The following RBFOX1 variants were observed in gnomAD, a reference collection of about 807,000 sequenced individuals.
The protein encoded by RBFOX1 is RNA binding fox-1 homolog 1, also known as RNA binding protein fox-1 homolog 1.
RBFOX1 carries 8 observed loss-of-function variants against 57.7 expected under a neutral mutation model. That is an observed-to-expected ratio of 0.14 (90% CI 0.08 to 0.25). The LOEUF (loss-of-function observed/expected upper bound fraction) is 0.25, where lower values mean the gene tolerates loss of function less well. Among genes scored for constraint, RBFOX1 ranks in the 10% least tolerant of loss-of-function variants. The pLI is 1.00. For synonymous variants in RBFOX1, 326 were observed against 222.4 expected, an observed-to-expected ratio of 1.47 and a Z score of -4.15; for missense variants, 611 against 548.5, an observed-to-expected ratio of 1.11 and a Z score of -1.14.
intron 4 of RBFOX1, among the ~76,000 whole-genome samples, chr16:5,974,532 C>T (rs1316411718): frequency 6.6e-6 from 1 of 152,086 alleles, no homozygotes; most frequent in Non-Finnish European, 1.5e-5. Context: ...ATCACTCGAA[C>T]CCGGGAGGCG....
chr16:6,659,873 A>T (rs1168262662), intron 3 of RBFOX1, among the ~76,000 whole-genome samples: 1 of 152,086 alleles, frequency 6.6e-6, no homozygotes, highest in Non-Finnish European at 1.5e-5. Context: ...CAAAGACCTG[A>T]TTCGGTTCCT....
intron 3 of RBFOX1, among the ~76,000 whole-genome samples, chr16:6,875,613 G>C (rs1044004932): frequency 1.3e-5 from 2 of 152,212 alleles, no homozygotes; most frequent in Middle Eastern, 3.2e-3. Flanking sequence ...CAGCAGAGAA[G>C]GTTAGAGTTG....
intron 2 of RBFOX1, among the ~76,000 whole-genome samples, chr16:5,532,152 CG>C (rs772680788): frequency 4.3e-4 from 65 of 152,194 alleles, no homozygotes; most frequent in Non-Finnish European, 7.6e-4. Context: ...GATGTGGCAG[CG>C]GGGGTGGTTT....
chr16:7,581,785 C>A (rs562494026), intron 6 of RBFOX1, among the ~76,000 whole-genome samples: 1 of 152,070 alleles, frequency 6.6e-6, no homozygotes, highest in Non-Finnish European at 1.5e-5. Context: ...GGTGTGATCA[C>A]GGCTCACTGC....
rs151177772 is a variant in RBFOX1 at position 6,824,983 on chromosome 16, G to GTTTTTTTTTTTTTTTTTTTTT, written c.-16+170344_-16+170364dup. Reference sequence around the variant, plus strand: ...GGATTTCTTTTTTCTTTCTTTCTTGGTTTTTTTTTTTTTTTTTTTTTTTTT... The same window carrying GTTTTTTTTTTTTTTTTTTTTT: ...GGATTTCTTTTTTCTTTCTTTCTTGGTTTTTTTTTTTTTTTTTTTTTTTTTTTTTTTTTTTTTTTTTTTTTT... On this transcript the variant is annotated intron_variant, in intron 3 of 15. Coordinates refer to ENST00000550418, the MANE Select transcript of RBFOX1 (RefSeq NM_018723.4). Among the ~76,000 whole-genome samples the GTTTTTTTTTTTTTTTTTTTTT allele has an allele frequency of 9.2e-4, 34 of 36,910 alleles. 7 individuals are homozygous for GTTTTTTTTTTTTTTTTTTTTT. The highest frequency in any genetic ancestry group is 1.6e-3 in the South Asian group (1 of 642). The allele number at this position is 36,910 out of a possible 152,430, so 24.2% of individuals were successfully genotyped here. A position where few individuals can be genotyped will look rare whatever the true frequency, so the allele number is the denominator to read the frequency against.
intron 4 of RBFOX1, among the ~76,000 whole-genome samples, chr16:7,214,361 A>G (rs1317591615): frequency 6.6e-6 from 1 of 152,174 alleles, no homozygotes; most frequent in Non-Finnish European, 1.5e-5. Flanking sequence ...AGCAGATGGC[A>G]TGATCGGGGT....
intron 3 of RBFOX1, among the ~76,000 whole-genome samples, chr16:6,716,882 C>T (rs1362294949): frequency 6.6e-6 from 1 of 152,096 alleles, no homozygotes; most frequent in African/African-American, 2.4e-5. Flanking sequence ...AAAATCCATA[C>T]ATGGAAATCC....
chr16:7,646,964 GA>G (rs2063861138), intron 11 of RBFOX1, among the ~76,000 whole-genome samples: 1 of 152,054 alleles, frequency 6.6e-6, no homozygotes, highest in African/African-American at 2.4e-5. Flanking sequence ...TTTTGAGGGG[GA>G]GACAGGCAGT....
At chr16:5,820,736 C>T (rs927157091) in intron 3 of RBFOX1, among the ~76,000 whole-genome samples, 1 of 152,282 alleles carries the variant, frequency 6.6e-6, no homozygotes, top group East Asian at 1.9e-4. Context: ...TGACACCGTT[C>T]CCCCGTCTGT....
chr16:5,731,203 T>C (rs1430068672), intron 3 of RBFOX1, among the ~76,000 whole-genome samples: 1 of 151,156 alleles, frequency 6.6e-6, no homozygotes, highest in Non-Finnish European at 1.5e-5. Flanking sequence ...GTCACCGTTA[T>C]CATCAAGATC....
intron 13 of RBFOX1, among the ~76,000 whole-genome samples, chr16:7,675,825 T>A (rs942532658): frequency 6.6e-6 from 1 of 152,188 alleles, no homozygotes; most frequent in African/African-American, 2.4e-5. Flanking sequence ...AATTAGAACC[T>A]GAATGGTCCT....
chr16:6,597,691 A>G (rs1224215350), intron 2 of RBFOX1, among the ~76,000 whole-genome samples: 1 of 152,084 alleles, frequency 6.6e-6, no homozygotes. Flanking sequence ...AAACAAAACC[A>G]AAAAACAGGG....
chr16:5,640,978 A>G (rs2048849686), intron 3 of RBFOX1, among the ~76,000 whole-genome samples: 1 of 151,384 alleles, frequency 6.6e-6, no homozygotes, highest in Non-Finnish European at 1.5e-5. Context: ...GCACACACAT[A>G]CATGCATATC....
At chr16:6,856,823 C>T (rs1043137611) in intron 3 of RBFOX1, among the ~76,000 whole-genome samples, 5 of 152,022 alleles carry the variant, frequency 3.3e-5, no homozygotes, top group Non-Finnish European at 7.4e-5. Context: ...TTGCGATTGT[C>T]AAACCACTGA....
chr16:6,211,253 G>C (rs866071790), intron 1 of RBFOX1, among the ~76,000 whole-genome samples: 1 of 129,732 alleles, frequency 7.7e-6, no homozygotes, highest in African/African-American at 2.7e-5. Context: ...TTTTGGGATG[G>C]AGTCTCGCTT....
intron 2 of RBFOX1, among the ~76,000 whole-genome samples, chr16:6,334,030 G>T (rs912885059): frequency 2.0e-5 from 3 of 152,078 alleles, no homozygotes; most frequent in South Asian, 2.1e-4. Context: ...ACTAGACTCC[G>T]AAGGATTTTT....
intron 5 of RBFOX1, among the ~76,000 whole-genome samples, chr16:7,576,408 A>T (rs1507002): frequency 0.41 from 61,667 of 151,646 alleles, 12,977 homozygotes; most frequent in East Asian, 0.53. Flanking sequence ...CTGTTGTTTT[A>T]TTCACTCCTC....
chr16:7,668,880 CAG>C (rs1254339620), intron 13 of RBFOX1, among the ~76,000 whole-genome samples: 3 of 152,156 alleles, frequency 2.0e-5, no homozygotes, highest in African/African-American at 4.8e-5. Flanking sequence ...CTTAGATCTA[CAG>C]AGTCTCTCAT....
intron 3 of RBFOX1, among the ~76,000 whole-genome samples, chr16:6,798,198 AAG>A (rs1395387844): frequency 6.6e-6 from 1 of 152,156 alleles, no homozygotes; most frequent in Non-Finnish European, 1.5e-5. Flanking sequence ...TCGTGTCCCT[AAG>A]AGAAACTGGA....
Sources: allele counts gnomAD v4.1 joint callset (sites outside exome capture counted in the v4.1 genomes callset), GRCh38; gene constraint gnomAD v4.1.1; transcripts MANE v1.5; gene names NCBI Gene and HGNC (gene_info 2026-07-23, HGNC 2026-07-21).